RRBP1: variants seen among roughly 807,000 people sequenced by gnomAD.
RRBP1 encodes the protein ribosome-binding protein 1.
A neutral mutation model predicts 165.2 loss-of-function variants in RRBP1; 94 were observed. The ratio of observed to expected loss-of-function variants is 0.57; its 90% CI spans 0.48 to 0.68. The LOEUF (loss-of-function observed/expected upper bound fraction) is 0.68, where lower values mean the gene tolerates loss of function less well. RRBP1 is among the 30% of genes least tolerant of loss of function. The pLI, the probability that RRBP1 is intolerant of heterozygous loss-of-function variation, is 0.00. For synonymous variants in RRBP1, 680 were observed against 714.5 expected (o/e 0.95, Z 0.77); for missense variants, 1,676 against 1,763.0 (o/e 0.95, Z 0.88).
chr20:17,636,298 G>A (rs2036247429), intron 6 of RRBP1, among the ~76,000 whole-genome samples: 1 of 152,266 alleles, frequency 6.6e-6, no homozygotes, highest in Admixed American at 6.5e-5. Context: ...GGGAAACAGG[G>A]CTGGCCATCT....
In RRBP1 at chr20:17,659,579, T is replaced by A. The variant is rs544581235; in HGVS notation, c.929A>T (p.Lys310Ile). 7.3e-5 allele frequency: 113 copies of A among 1,549,492 alleles called. No homozygotes were observed. In the South Asian group the frequency reaches 1.2e-3, roughly 17 times the overall value. ...KKVEGAQNQG[K>I]KAEGAQNQGK... Reference sequence around the variant, plus strand: ...CTGATTCTGGGCCCCCTCTGCCTTTTTGCCCTGGTTCTGGGCCCCTTCTAC... The same window carrying A: ...CTGATTCTGGGCCCCCTCTGCCTTTATGCCCTGGTTCTGGGCCCCTTCTAC... The change falls in exon 3 of 25, where the codon AAA becomes ATA. Residue 310 changes from lysine to isoleucine, a missense_variant. By Grantham distance (102) the Lys-to-Ile change is moderately radical (BLOSUM62 -3). Coordinates refer to ENST00000377813, the MANE Select transcript of RRBP1 (RefSeq NM_001365613.2).
chr20:17,647,408 T>C (rs992020616), intron 3 of RRBP1, among the ~76,000 whole-genome samples: 2 of 152,028 alleles, frequency 1.3e-5, no homozygotes, highest in African/African-American at 2.4e-5. Flanking sequence ...GCACCCGAGG[T>C]TGGACTAGGT....
At chr20:17,654,997 A>C (rs1568778635) in intron 3 of RRBP1, among the ~76,000 whole-genome samples, 2 of 152,208 alleles carry the variant, frequency 1.3e-5, no homozygotes, top group African/African-American at 2.4e-5. Flanking sequence ...ACCCAATTTT[A>C]TCTCTCTAAA....
chr20:17,658,005 C>A (rs539668223), intron 3 of RRBP1, among the ~76,000 whole-genome samples: 1 of 152,186 alleles, frequency 6.6e-6, no homozygotes, highest in Admixed American at 6.5e-5. Flanking sequence ...GAAAGACTTG[C>A]CAACACGCAG....
intron 20 of RRBP1, among the ~76,000 whole-genome samples, chr20:17,617,484 C>T (rs960471427): frequency 1.3e-5 from 2 of 152,236 alleles, no homozygotes; most frequent in Non-Finnish European, 1.5e-5. Context: ...TACGTGGGAA[C>T]CCCAGACATT....
At chr20:17,626,398 C>G (rs2036021436) in intron 11 of RRBP1, among the ~76,000 whole-genome samples, 1 of 152,158 alleles carries the variant, frequency 6.6e-6, no homozygotes, top group Non-Finnish European at 1.5e-5. Context: ...GTGGGTCATT[C>G]TGGGCCCTCA....
At position 17,669,048 on chromosome 20, in the gene RRBP1, A is replaced by G. The variant is rs374114702; in HGVS notation, c.-21-8520T>C. Among the ~76,000 whole-genome samples the G allele has an allele frequency of 7.2e-4, 110 of 152,338 alleles. 3 individuals are homozygous for G. In the South Asian group the frequency reaches 0.022, roughly 30 times the overall value. On this transcript the variant is annotated intron_variant, in intron 2 of 24. Coordinates refer to ENST00000377813, the MANE Select transcript of RRBP1 (RefSeq NM_001365613.2). Reference sequence around the variant, plus strand: ...TTTAACCCAAAGAAACTAAGAGAAAATGCAGTAACAAAGAGTCCGAAAAAA... The same window carrying G: ...TTTAACCCAAAGAAACTAAGAGAAAGTGCAGTAACAAAGAGTCCGAAAAAA...
chr20:17,636,573 C>T lies in RRBP1; in HGVS notation c.2337+4G>A. 6.2e-7 allele frequency: 1 copy of T among 1,610,784 alleles called. No individual in the cohort carries two copies. Among genetic ancestry groups the T allele is most frequent in the South Asian group, 1.1e-5 (1 of 91,044 alleles). On this transcript the variant is annotated splice_donor_region_variant and intron_variant, in intron 6 of 24. Transcript: ENST00000377813. The stretch of plus-strand genomic sequence containing the variant: ...CCCATGCCCCCGCCAGCCACTACAC[C>T]CACCTTGCCCTGCAGCTGCTGCACC...
chr20:17,622,009 A>G, intron 13 of RRBP1, 62 bp from the exon 14 acceptor site: 2 of 1,257,672 alleles, frequency 1.6e-6, no homozygotes, highest in South Asian at 1.2e-5. Flanking sequence ...GCACCTCCCC[A>G]GGTCTTTACT....
At chr20:17,616,958 G>C in intron 20 of RRBP1, 119 bp from the exon 21 acceptor site, 1 of 851,956 alleles carries the variant, frequency 1.2e-6, no homozygotes, top group African/African-American at 1.7e-5. Context: ...GTCCCTTCAG[G>C]GGACCTGGCT....
At chr20:17,621,165 TTA>T (rs1280266965) in intron 16 of RRBP1, among the ~76,000 whole-genome samples, 1 of 152,186 alleles carries the variant, frequency 6.6e-6, no homozygotes, top group Non-Finnish European at 1.5e-5. Context: ...GGCATTGCTC[TTA>T]GTCACAAACG....
intron 2 of RRBP1, among the ~76,000 whole-genome samples, chr20:17,675,679 G>C (rs1274716230): frequency 6.6e-6 from 1 of 152,218 alleles, no homozygotes; most frequent in East Asian, 1.9e-4. Context: ...TAGACGCAAA[G>C]GCCCGGAGGC....
At chr20:17,663,464 A>G (rs981275561) in intron 2 of RRBP1, among the ~76,000 whole-genome samples, 35 of 152,240 alleles carry the variant, frequency 2.3e-4, no homozygotes, top group African/African-American at 8.2e-4. Flanking sequence ...CAACTTTTGC[A>G]GAAAAAGAAA....
intron 2 of RRBP1, among the ~76,000 whole-genome samples, chr20:17,677,707 C>T (rs1012253424): frequency 5.9e-5 from 9 of 152,042 alleles, no homozygotes; most frequent in Non-Finnish European, 1.3e-4. Flanking sequence ...GGTGTGGTGG[C>T]GCATGCCTGT....
intron 2 of RRBP1, among the ~76,000 whole-genome samples, chr20:17,666,677 C>G (rs1038151548): frequency 1.3e-5 from 2 of 152,178 alleles, no homozygotes; most frequent in Non-Finnish European, 2.9e-5. Flanking sequence ...TGGCTGAGAA[C>G]TCTGATGCAG....
chr20:17,621,848 CT>C lies in RRBP1; in HGVS notation c.3240+6del, dbSNP rs753821552. On this transcript the variant is annotated splice_donor_region_variant and intron_variant, in intron 14 of 24. Transcript: ENST00000377813. ...TGAGGTCCCCGGGAACCACCCTCCC[CT>C]CCTACCTGTTGTGCCAAGACAGAGA... 26 of 1,613,628 alleles carry C rather than the reference CT, an allele frequency of 1.6e-5. No homozygotes were observed. Among genetic ancestry groups the C allele is most frequent in the Non-Finnish European group, 2.0e-5 (24 of 1,179,806 alleles).
intron 2 of RRBP1, among the ~76,000 whole-genome samples, chr20:17,669,101 T>C (rs998164914): frequency 3.9e-5 from 6 of 152,174 alleles, no homozygotes; most frequent in Non-Finnish European, 8.8e-5. Context: ...AGGATACATA[T>C]AATGGACTCC....
In RRBP1 at chr20:17,658,661, G is replaced by A. The variant is rs375871731; in HGVS notation, c.1847C>T (p.Pro616Leu). 1.2e-6 allele frequency: 2 copies of A among 1,614,128 alleles called. No individual in the cohort carries two copies. The highest frequency in any genetic ancestry group is 1.7e-6 in the Non-Finnish European group (2 of 1,180,012). Residue 616 changes from proline to leucine, a missense_variant, in exon 3 of 25, where the codon CCA becomes CTA. By Grantham distance (98) the Pro-to-Leu change is moderately conservative. Coordinates refer to ENST00000377813, the MANE Select transcript of RRBP1 (RefSeq NM_001365613.2). The part of the protein sequence containing the change: ...QGRNTDVAQS[P>L]EAPKQEAPAK... ...AGGAGCCTCTTGCTTTGGTGCCTCT[G>A]GGCTCTGGGCCACATCTGTATTTCT...
intron 20 of RRBP1, among the ~76,000 whole-genome samples, chr20:17,617,284 T>C (rs1028884506): frequency 3.3e-5 from 5 of 152,212 alleles, no homozygotes; most frequent in Admixed American, 3.3e-4. Context: ...CCCCCACCCC[T>C]ACGCTCCATC....
Sources: allele counts gnomAD v4.1 joint callset (sites outside exome capture counted in the v4.1 genomes callset), GRCh38; gene constraint gnomAD v4.1.1; transcripts MANE v1.5; gene names NCBI Gene and HGNC (gene_info 2026-07-23, HGNC 2026-07-21).